PRKX: variants seen among roughly 807,000 people sequenced by gnomAD.
The protein encoded by PRKX is cAMP-dependent protein kinase catalytic subunit PRKX.
A neutral mutation model predicts 22.0 loss-of-function variants in PRKX; 12 were observed. The observed-to-expected ratio is 0.54, with a 90% CI of 0.35 to 0.88. The LOEUF (loss-of-function observed/expected upper bound fraction) is 0.88. PRKX is among the 40% of genes least tolerant of loss of function. The pLI, the probability that PRKX is intolerant of heterozygous loss-of-function variation, is 0.01. For missense variants in PRKX, 217 were observed against 308.0 expected, an observed-to-expected ratio of 0.70 and a Z score of 2.21; for synonymous variants, 134 against 137.7, an observed-to-expected ratio of 0.97 and a Z score of 0.19.
At position 3,604,657 on chromosome X, in the gene PRKX, C is replaced by T. The variant is rs1283418855; in HGVS notation, c.*4312G>A. The T allele has an allele frequency of 1.8e-5, 2 of 112,251 alleles. No individual in the cohort carries two copies. The highest frequency in any genetic ancestry group is 6.5e-5 in the African/African-American group (2 of 30,824). 9.3% of individuals were successfully genotyped at this position (112,251 alleles called of 1,213,427 possible). A position where few individuals can be genotyped will look rare whatever the true frequency, so the allele number is the denominator to read the frequency against. ...GGCAGTGACAGGGGCCCCAGAAGCACGTTGGCAACATGGTGAGGCTGCCCA... is the reference window on the plus strand; with the variant it reads ...GGCAGTGACAGGGGCCCCAGAAGCATGTTGGCAACATGGTGAGGCTGCCCA... On this transcript the variant is annotated 3_prime_UTR_variant, in exon 9 of 9. Coordinates refer to ENST00000262848, the MANE Select transcript of PRKX (RefSeq NM_005044.5).
chrX:3,711,803 A>G (rs1370932152), intron 1 of PRKX, among the ~76,000 whole-genome samples: 1 of 110,105 alleles, frequency 9.1e-6, no homozygotes, highest in Non-Finnish European at 1.9e-5. Flanking sequence ...AGGGAGAGAG[A>G]CACCAAGAGA....
chrX:3,706,083 A>C (rs1928679660), intron 1 of PRKX, among the ~76,000 whole-genome samples: 1 of 110,216 alleles, frequency 9.1e-6, no homozygotes, highest in Non-Finnish European at 1.9e-5. Context: ...TCAACTTTAC[A>C]TATGCGATTT....
intron 7 of PRKX, among the ~76,000 whole-genome samples, chrX:3,613,195 G>C (rs1926342932): frequency 1.3e-5 from 1 of 79,704 alleles, no homozygotes; most frequent in Non-Finnish European, 2.7e-5. Flanking sequence ...AAATGAGGAA[G>C]CTAGCCAGGT....
At chrX:3,643,347 G>A (rs1055839360) in intron 3 of PRKX, among the ~76,000 whole-genome samples, 3 of 111,625 alleles carry the variant, frequency 2.7e-5, no homozygotes, top group African/African-American at 6.5e-5. Flanking sequence ...AACGGCGAGC[G>A]GCTGAACCTG....
intron 1 of PRKX, 122 bp downstream of exon 1, chrX:3,712,966 A>G (rs1928822953): frequency 5.9e-6 from 5 of 842,955 alleles, no homozygotes; most frequent in Admixed American, 5.2e-5. Flanking sequence ...GGGGACTCCG[A>G]GCCGAAGTAG....
chrX:3,647,416 T>C (rs1220177406), intron 3 of PRKX, among the ~76,000 whole-genome samples: 1 of 105,835 alleles, frequency 9.4e-6, no homozygotes, highest in Non-Finnish European at 1.9e-5. Context: ...ATTTTTTAAA[T>C]ATAATTATGT....
chrX:3,700,687 T>C (rs1326384231), intron 1 of PRKX, among the ~76,000 whole-genome samples: 2 of 111,459 alleles, frequency 1.8e-5, no homozygotes, highest in Non-Finnish European at 3.8e-5. Context: ...CAAGTGATCC[T>C]CCCACCTCGG....
chrX:3,711,140 G>T (rs1928780627), intron 1 of PRKX, among the ~76,000 whole-genome samples: 1 of 111,300 alleles, frequency 9.0e-6, no homozygotes, highest in South Asian at 3.8e-4. Context: ...TCATGAGAGA[G>T]TGTTCCAGAC....
intron 1 of PRKX, among the ~76,000 whole-genome samples, chrX:3,680,279 G>C (rs1928045091): frequency 9.0e-6 from 1 of 110,715 alleles, no homozygotes; most frequent in African/African-American, 3.3e-5. Context: ...AAGTAGCTGG[G>C]ATTACCGGTG....
chrX:3,668,030 C>T (rs1268105400), intron 2 of PRKX: 1 of 111,471 alleles, frequency 9.0e-6, no homozygotes, highest in Non-Finnish European at 1.9e-5. Flanking sequence ...CTACGCAGTT[C>T]TCCTTAGACC....
intron 2 of PRKX, among the ~76,000 whole-genome samples, chrX:3,663,312 A>C (rs1174906431): frequency 6.5e-5 from 7 of 108,388 alleles, no homozygotes; most frequent in Non-Finnish European, 1.1e-4. Context: ...GGAAAGGGGC[A>C]AGGCATGGCG....
chrX:3,709,390 G>T lies in PRKX; in HGVS notation c.166+3698C>A, dbSNP rs1256343852. Among the ~76,000 whole-genome samples the T allele has an allele frequency of 1.2e-4, 13 of 110,976 alleles. No homozygotes were observed. In the Admixed American group the frequency reaches 1.3e-3, roughly 11 times the overall value. On this transcript the variant is annotated intron_variant, in intron 1 of 8. Transcript: ENST00000262848. ...CAAAAAATATATATTTTTAATAGGG[G>T]TCTAGGAACTTTGGAGTCTTCCTCA... is the stretch of plus-strand genomic sequence containing the variant.
chrX:3,710,646 C>A (rs1189150061), intron 1 of PRKX, among the ~76,000 whole-genome samples: 9 of 111,584 alleles, frequency 8.1e-5, no homozygotes, highest in Non-Finnish European at 1.7e-4. Context: ...AGTGCTGGGA[C>A]TACAGGTATG....
chrX:3,644,779 G>A (rs991418764), intron 3 of PRKX, among the ~76,000 whole-genome samples: 1 of 111,642 alleles, frequency 9.0e-6, no homozygotes, highest in Non-Finnish European at 1.9e-5. Context: ...CACCTTTCTA[G>A]CCCATCCAAA....
At chrX:3,633,271 C>CA (rs964040218) in intron 4 of PRKX, among the ~76,000 whole-genome samples, 4 of 98,011 alleles carry the variant, frequency 4.1e-5, no homozygotes, top group African/African-American at 7.4e-5. Context: ...AAAAAAAAAA[C>CA]AAAAAAAACG....
chrX:3,633,280 C>T (rs1021319716), intron 4 of PRKX, among the ~76,000 whole-genome samples: 43 of 103,403 alleles, frequency 4.2e-4, no homozygotes, highest in Non-Finnish European at 7.1e-4. Flanking sequence ...ACAAAAAAAA[C>T]GCTCATGCAG....
intron 4 of PRKX, among the ~76,000 whole-genome samples, chrX:3,636,847 C>T (rs774604791): frequency 2.3e-4 from 25 of 109,619 alleles, no homozygotes; most frequent in Non-Finnish European, 4.0e-4. Context: ...GGTGACAGAG[C>T]GAGACAAGAA....
intron 4 of PRKX, among the ~76,000 whole-genome samples, chrX:3,641,205 G>A (rs1344274920): frequency 4.5e-5 from 5 of 111,314 alleles, no homozygotes; most frequent in African/African-American, 6.5e-5. Flanking sequence ...TCTTTATTGC[G>A]AGAGATCCAA....
chrX:3,702,135 T>C (rs1186157294), intron 1 of PRKX, among the ~76,000 whole-genome samples: 1 of 112,035 alleles, frequency 8.9e-6, no homozygotes, highest in Non-Finnish European at 1.9e-5. Flanking sequence ...TTAACAGCTC[T>C]GTTCCCTCCA....
Sources: gnomAD v4.1 joint callset for allele counts (sites outside exome capture counted in the v4.1 genomes callset) on GRCh38, gnomAD v4.1.1 for gene constraint, MANE v1.5 for transcripts, NCBI Gene and HGNC (gene_info 2026-07-23, HGNC 2026-07-21) for gene names.